The following ACTN2 variants were observed in gnomAD, a reference collection of about 807,000 sequenced individuals.
ACTN2 encodes the protein actinin alpha 2, also known as alpha-actinin-2.
In ACTN2, 39 loss-of-function variants were observed where a neutral mutation model predicts 113.8. The observed-to-expected ratio is 0.34, with a 90% CI of 0.27 to 0.45. The LOEUF (loss-of-function observed/expected upper bound fraction) is 0.45, where lower values mean the gene tolerates loss of function less well. ACTN2 is among the 20% of genes least tolerant of loss of function. The pLI is 1.00. For missense variants in ACTN2, 992 were observed against 1,177.9 expected (o/e 0.84, Z 2.31); for synonymous variants, 429 against 444.1 (o/e 0.97, Z 0.43).
chr1:236,689,300 GAT>G (rs57239117), intron 1 of ACTN2, among the ~76,000 whole-genome samples: 3,930 of 122,084 alleles, frequency 0.032, 49 homozygotes, highest in East Asian at 0.049. Flanking sequence ...TTACAGATGT[GAT>G]ATATATATAT....
At chr1:236,731,025 T>A (rs1369041908) in intron 6 of ACTN2, among the ~76,000 whole-genome samples, 1 of 152,148 alleles carries the variant, frequency 6.6e-6, no homozygotes, top group Non-Finnish European at 1.5e-5. Flanking sequence ...ATGATTGGAG[T>A]GTGCATGGAT....
At chr1:236,692,678 A>G (rs913060005) in intron 1 of ACTN2, among the ~76,000 whole-genome samples, 1 of 152,192 alleles carries the variant, frequency 6.6e-6, no homozygotes, top group African/African-American at 2.4e-5. Context: ...GTTCTGAGGC[A>G]CAAAAAACAC....
At chr1:236,715,845 A>C (rs775088124) in intron 1 of ACTN2, among the ~76,000 whole-genome samples, 8 of 152,230 alleles carry the variant, frequency 5.3e-5, no homozygotes, top group Non-Finnish European at 1.2e-4. Flanking sequence ...ATTCCTAGCT[A>C]CTAGGGTGGT....
chr1:236,716,407 C>G (rs983625446), intron 1 of ACTN2, among the ~76,000 whole-genome samples: 3 of 152,148 alleles, frequency 2.0e-5, no homozygotes, highest in Non-Finnish European at 2.9e-5. Context: ...CTGCCAGAAA[C>G]ATTTCTAATC....
At chr1:236,735,595 T>A in intron 7 of ACTN2, 40 bp from the exon 8 acceptor site, 1 of 1,500,670 alleles carries the variant, frequency 6.7e-7, no homozygotes, top group East Asian at 2.3e-5. Context: ...GTGTGGTGTG[T>A]GTGTGTGCGC....
chr1:236,753,888 G>C, intron 15 of ACTN2, 59 bp from the exon 16 acceptor site: 1 of 959,872 alleles, frequency 1.0e-6, no homozygotes, highest in African/African-American at 1.8e-5. Context: ...CGCATTCTGT[G>C]GTTGTTCCTA....
intron 1 of ACTN2, among the ~76,000 whole-genome samples, chr1:236,696,197 C>T (rs1206480679): frequency 2.0e-5 from 3 of 151,696 alleles, no homozygotes; most frequent in Admixed American, 6.6e-5. Flanking sequence ...ATCCCAGCTA[C>T]TCGGGAGGCT....
intron 1 of ACTN2, among the ~76,000 whole-genome samples, chr1:236,713,034 C>A (rs1489440553): frequency 6.6e-6 from 1 of 150,680 alleles, no homozygotes; most frequent in Non-Finnish European, 1.5e-5. Context: ...ATTTTACTTG[C>A]TGAAGATGGG....
chr1:236,722,532 G>A (rs925841598), intron 4 of ACTN2, among the ~76,000 whole-genome samples: 31 of 150,490 alleles, frequency 2.1e-4, no homozygotes, highest in Admixed American at 1.9e-3. Context: ...CTACTCAGGC[G>A]GCTAAGGCAG....
intron 1 of ACTN2, 94 bp downstream of exon 1, chr1:236,686,893 G>T: frequency 7.9e-7 from 1 of 1,273,080 alleles, no homozygotes; most frequent in Non-Finnish European, 1.0e-6. Context: ...CGACTGGCGA[G>T]AGGGCGCTTT....
At chr1:236,716,174 T>A (rs2102890766) in intron 1 of ACTN2, among the ~76,000 whole-genome samples, 1 of 151,994 alleles carries the variant, frequency 6.6e-6, no homozygotes, top group African/African-American at 2.4e-5. Flanking sequence ...TTAGTCAGAT[T>A]TGAAAATCCT....
rs1213162184 is a variant in ACTN2, at chr1:236,761,123, G to A, written c.2476G>A (p.Asp826Asn). 6.8e-6 allele frequency: 11 copies of A among 1,613,984 alleles called. No homozygotes were observed. The highest frequency in any genetic ancestry group is 4.0e-5 in the African/African-American group (3 of 74,908). ...DFMTRETADT[D>N]TAEQVIASFR... ...CATGACTAGAGAGACGGCTGACACC[G>A]ACACTGCCGAGCAGGTCATCGCCTC... The change falls in exon 20 of 21, where the codon GAC becomes AAC. Residue 826 changes from aspartate (D) to asparagine (N), a missense_variant. By Grantham distance (23) the Asp-to-Asn change is conservative (BLOSUM62 1). Around this residue, in one of 3 missense-constraint regions of ACTN2, gnomAD observed 736 missense variants for 815.4 expected, o/e 0.90. Coordinates refer to ENST00000366578, the MANE Select transcript of ACTN2 (RefSeq NM_001103.4).
At chr1:236,715,696 C>A (rs1216745820) in intron 1 of ACTN2, among the ~76,000 whole-genome samples, 2 of 152,172 alleles carry the variant, frequency 1.3e-5, no homozygotes, top group Non-Finnish European at 2.9e-5. Flanking sequence ...TGGCTCATGC[C>A]TGTAATCCCA....
At chr1:236,716,021 T>G (rs900806771) in intron 1 of ACTN2, among the ~76,000 whole-genome samples, 1 of 151,352 alleles carries the variant, frequency 6.6e-6, no homozygotes, top group Admixed American at 6.6e-5. Context: ...TAGACCTGAC[T>G]AAAGCTTAGA....
At chr1:236,689,334 T>TAC (rs1397496120) in intron 1 of ACTN2, among the ~76,000 whole-genome samples, 3 of 35,070 alleles carry the variant, frequency 8.6e-5, no homozygotes, top group African/African-American at 1.6e-4. Context: ...TATATATATA[T>TAC]ATATACACAC....
rs143799926 is a variant in ACTN2, at chr1:236,709,359, C to CGT, written c.127-8490_127-8489dup. 2.1e-3 allele frequency among the ~76,000 whole-genome samples: 233 copies of CGT among 110,658 alleles called. 3 individuals are homozygous for CGT. Among genetic ancestry groups the CGT allele is most frequent in the African/African-American group, 9.0e-3 (212 of 23,602 alleles). The allele number at this position is 110,658 out of a possible 152,430, so 72.6% of individuals were successfully genotyped here. On this transcript the variant is annotated intron_variant, in intron 1 of 20. Transcript: ENST00000366578. ...ATATATACGTGTATATATATATATACGTGTGTGTGTATATATATATATGTA... is the reference window on the plus strand; with the variant it reads ...ATATATACGTGTATATATATATATACGTGTGTGTGTGTATATATATATATGTA...
At chr1:236,743,228 T>C (rs947676937) in intron 11 of ACTN2, among the ~76,000 whole-genome samples, 185 bp downstream of exon 11, 1 of 152,212 alleles carries the variant, frequency 6.6e-6, no homozygotes, top group Non-Finnish European at 1.5e-5. Flanking sequence ...ATTTAGTTTC[T>C]AATCACGCAG....
intron 13 of ACTN2, 52 bp from the exon 14 acceptor site, chr1:236,749,072 A>C: frequency 6.2e-7 from 1 of 1,601,262 alleles, no homozygotes. Context: ...TTACACTTTC[A>C]GTGAATTTTT....
chr1:236,742,470 C>T lies in ACTN2; in HGVS notation c.1108-426C>T, dbSNP rs571215969. On this transcript the variant is annotated intron_variant, in intron 10 of 20. Transcript: ENST00000366578. ...CTGTAATCCCGGCTACAGGGGAGGC[C>T]GAGGTGGGAGGATTGCCAGAGCCCA... Among the ~76,000 whole-genome samples, 67 of 152,074 alleles carry T rather than the reference C, an allele frequency of 4.4e-4. 1 individual carries two copies. In the South Asian group the frequency reaches 0.014, roughly 32 times the overall value.
Sources: gnomAD v4.1 joint callset for allele counts (sites outside exome capture counted in the v4.1 genomes callset) on GRCh38, gnomAD v4.1.1 for gene constraint, gnomAD v4.1.1 regional missense constraint, MANE v1.5 for transcripts, NCBI Gene and HGNC (gene_info 2026-07-23, HGNC 2026-07-21) for gene names.